The following CDYL2 variants were observed in gnomAD, a reference collection of about 807,000 sequenced individuals.
CDYL2 encodes chromodomain Y like 2, also known as chromodomain Y-like protein 2.
A neutral mutation model predicts 49.4 loss-of-function variants in CDYL2; 23 were observed. That is an observed-to-expected ratio of 0.47 (90% CI 0.34 to 0.66). The LOEUF is 0.66. Among genes scored for constraint, CDYL2 ranks in the 30% least tolerant of loss-of-function variants. The pLI, the probability that CDYL2 is intolerant of heterozygous loss-of-function variation, is 0.01. For missense variants in CDYL2, 678 were observed against 656.4 expected (o/e 1.03, Z -0.36); for synonymous variants, 360 against 268.8 (o/e 1.34, Z -3.32).
At chr16:80,749,261 C>T (rs1157991221) in intron 1 of CDYL2, among the ~76,000 whole-genome samples, 2 of 152,246 alleles carry the variant, frequency 1.3e-5, no homozygotes, top group East Asian at 3.9e-4. Context: ...TTATTTAGGG[C>T]AGTTAATCAT....
intron 2 of CDYL2, among the ~76,000 whole-genome samples, chr16:80,674,716 T>A (rs1909671106): frequency 6.6e-6 from 1 of 152,248 alleles, no homozygotes; most frequent in African/African-American, 2.4e-5. Flanking sequence ...ATATCATATG[T>A]GGTTTTGAGG....
intron 1 of CDYL2, among the ~76,000 whole-genome samples, chr16:80,712,646 A>G (rs3100178): frequency 0.17 from 25,405 of 151,992 alleles, 3,979 homozygotes; most frequent in African/African-American, 0.4. Flanking sequence ...CTTGGAAAGG[A>G]AAACCAAACC....
At chr16:80,693,285 C>T (rs116030459) in intron 1 of CDYL2, among the ~76,000 whole-genome samples, 1,847 of 152,034 alleles carry the variant, frequency 0.012, 36 homozygotes, top group African/African-American at 0.041. Flanking sequence ...ATAAGTTATA[C>T]CTCAATAAAG....
chr16:80,724,872 G>A (rs1239909020), intron 1 of CDYL2, among the ~76,000 whole-genome samples: 1 of 152,168 alleles, frequency 6.6e-6, no homozygotes, highest in Non-Finnish European at 1.5e-5. Flanking sequence ...TGGCCAATGT[G>A]CTCTTCATAG....
At position 80,761,540 on chromosome 16, in the gene CDYL2, T is replaced by C. The variant is rs369828346; in HGVS notation, c.24+42610A>G. On this transcript the variant is annotated intron_variant, in intron 1 of 6. Coordinates refer to ENST00000570137, the MANE Select transcript of CDYL2 (RefSeq NM_152342.4). ...CACAGCTCTCAAAATGAGTGTTCCCTGGCTCCCACCTCCCTGTAGATCAGA... is the reference window on the plus strand; with the variant it reads ...CACAGCTCTCAAAATGAGTGTTCCCCGGCTCCCACCTCCCTGTAGATCAGA... 4.5e-4 allele frequency among the ~76,000 whole-genome samples: 68 copies of C among 152,298 alleles called. No homozygotes were observed. The Middle Eastern group carries it at 0.01, about 23-fold the overall frequency.
chr16:80,687,702 G>C (rs1416327326), intron 1 of CDYL2, among the ~76,000 whole-genome samples: 1 of 152,146 alleles, frequency 6.6e-6, no homozygotes, highest in African/African-American at 2.4e-5. Context: ...ACAGGGCTTT[G>C]TAACAAAACG....
intron 1 of CDYL2, among the ~76,000 whole-genome samples, chr16:80,744,923 A>G (rs1905873482): frequency 6.6e-6 from 1 of 152,150 alleles, no homozygotes; most frequent in Non-Finnish European, 1.5e-5. Context: ...CCACTGAGCC[A>G]CCTGTCTCCC....
At chr16:80,618,408 T>C (rs1225028205) in intron 4 of CDYL2, among the ~76,000 whole-genome samples, 1 of 152,210 alleles carries the variant, frequency 6.6e-6, no homozygotes, top group East Asian at 1.9e-4. Flanking sequence ...GGGTAGAGGC[T>C]ATGGGGACAG....
chr16:80,623,207 A>G (rs957111969), intron 3 of CDYL2, among the ~76,000 whole-genome samples: 1 of 152,120 alleles, frequency 6.6e-6, no homozygotes, highest in African/African-American at 2.4e-5. Flanking sequence ...GACGTATGAC[A>G]GGGGGTTCCA....
chr16:80,722,064 A>C (rs1455054679), intron 1 of CDYL2, among the ~76,000 whole-genome samples: 1 of 152,222 alleles, frequency 6.6e-6, no homozygotes, highest in Non-Finnish European at 1.5e-5. Flanking sequence ...TCTATAAACA[A>C]ATTAAAATAA....
At position 80,733,520 on chromosome 16, in the gene CDYL2, G is replaced by A. The variant is rs17754097; in HGVS notation, c.25-48391C>T. On this transcript the variant is annotated intron_variant, in intron 1 of 6. Transcript: ENST00000570137. ...CATCTGTGTCCTCTCTTTATACGCA[G>A]TAGGAAGCTGCAGTTTTTAAGTCCC... Among the ~76,000 whole-genome samples the A allele has an allele frequency of 7.7e-3, 1,174 of 152,022 alleles. 11 individuals are homozygous for A. The highest frequency in any genetic ancestry group is 0.026 in the African/African-American group (1,090 of 41,510).
intron 1 of CDYL2, among the ~76,000 whole-genome samples, chr16:80,739,080 G>A (rs995406766): frequency 1.3e-5 from 2 of 152,152 alleles, no homozygotes; most frequent in Admixed American, 6.6e-5. Flanking sequence ...GCCTTTAAAG[G>A]GAAGTAAATT....
chr16:80,745,427 G>A (rs568763686), intron 1 of CDYL2, among the ~76,000 whole-genome samples: 8 of 152,272 alleles, frequency 5.3e-5, no homozygotes, highest in South Asian at 4.1e-4. Context: ...AAGAGTGCCC[G>A]CAGTACATAA....
intron 1 of CDYL2, among the ~76,000 whole-genome samples, chr16:80,726,663 G>C (rs1175183900): frequency 6.6e-6 from 1 of 152,120 alleles, no homozygotes; most frequent in East Asian, 1.9e-4. Context: ...CCAATAAAAG[G>C]AGCAAGGGCT....
chr16:80,685,458 T>C (rs555908820), intron 1 of CDYL2, among the ~76,000 whole-genome samples: 2 of 152,366 alleles, frequency 1.3e-5, no homozygotes, highest in African/African-American at 2.4e-5. Flanking sequence ...AAGAGATCTT[T>C]ATTCTTTTCA....
chr16:80,722,756 G>T (rs573395946), intron 1 of CDYL2, among the ~76,000 whole-genome samples: 1 of 152,284 alleles, frequency 6.6e-6, no homozygotes, highest in South Asian at 2.1e-4. Context: ...TGGAATTCAA[G>T]GATGGATTAA....
rs184628637 is a variant in CDYL2, at chr16:80,639,616, C to A, written c.617-6380G>T. 8.2e-5 allele frequency: 37 copies of A among 451,172 alleles called. No individual in the cohort carries two copies. In the East Asian group the frequency reaches 2.4e-3, roughly 30 times the overall value. The allele number at this position is 451,172 out of a possible 1,614,324, so 27.9% of individuals were successfully genotyped here. A position where few individuals can be genotyped will look rare whatever the true frequency, so the allele number is the denominator to read the frequency against. On this transcript the variant is annotated intron_variant, in intron 2 of 6. Transcript: ENST00000570137. ...GCAAGGACATCAAATTAACAACTGT[C>A]TACACACAAAAAAAAATACCTTCAT...
chr16:80,611,930 T>C (rs1906615394), intron 5 of CDYL2, among the ~76,000 whole-genome samples: 1 of 152,230 alleles, frequency 6.6e-6, no homozygotes, highest in South Asian at 2.1e-4. Context: ...CTGCCCCACC[T>C]GGTGACACGA....
chr16:80,696,665 T>C (rs1361546577), intron 1 of CDYL2, among the ~76,000 whole-genome samples: 1 of 146,924 alleles, frequency 6.8e-6, no homozygotes, highest in African/African-American at 2.5e-5. Flanking sequence ...AAATACAAAA[T>C]AGAAATAGGA....
Sources: gnomAD v4.1 joint callset for allele counts (sites outside exome capture counted in the v4.1 genomes callset) on GRCh38, gnomAD v4.1.1 for gene constraint, MANE v1.5 for transcripts, NCBI Gene and HGNC (gene_info 2026-07-23, HGNC 2026-07-21) for gene names.